The following TENM3 variants were observed in gnomAD, a reference collection of about 807,000 sequenced individuals.
TENM3 encodes the protein teneurin-3.
Under a neutral mutation model 255.1 loss-of-function variants are expected in TENM3, and 63 were observed. The observed-to-expected ratio is 0.25, with a 90% confidence interval of 0.20 to 0.30. TENM3 has a LOEUF of 0.30. Among genes scored for constraint, TENM3 ranks in the 10% least tolerant of loss-of-function variants. TENM3 has a pLI of 1.00. For synonymous variants in TENM3, 1,306 were observed against 1,322.3 expected (o/e 0.99, Z 0.27); for missense variants, 2,929 against 3,461.1 (o/e 0.85, Z 3.86).
chr4:181,818,540 G>A, the TENM3 span, among the ~76,000 whole-genome samples: 84 of 151,468 alleles, frequency 5.5e-4, no homozygotes, highest in Non-Finnish European at 1.0e-3. Context: ...TAAGTTCTGC[G>A]GTACATGTGC....
chr4:182,604,087 C>T (rs1194904471), intron 4 of TENM3, among the ~76,000 whole-genome samples: 1 of 152,064 alleles, frequency 6.6e-6, no homozygotes, highest in Non-Finnish European at 1.5e-5. Flanking sequence ...TTGATTTATT[C>T]AAAAGCATTC....
chr4:182,009,938 G>GC, the TENM3 span, among the ~76,000 whole-genome samples: 18 of 151,938 alleles, frequency 1.2e-4, no homozygotes, highest in Non-Finnish European at 1.8e-4. Flanking sequence ...CCCTTGGCTG[G>GC]GGGGAGGGGG....
the TENM3 span, among the ~76,000 whole-genome samples, chr4:181,887,340 A>G: frequency 2.0e-5 from 3 of 152,182 alleles, no homozygotes; most frequent in African/African-American, 7.2e-5. Context: ...AAGGCTGTTA[A>G]TGTAAGCTTA....
the TENM3 span, among the ~76,000 whole-genome samples, chr4:181,724,416 C>A: frequency 2.6e-5 from 4 of 152,006 alleles, no homozygotes; most frequent in Non-Finnish European, 5.9e-5. Context: ...TATCTTCCAA[C>A]TCAAATTATC....
intron 3 of TENM3, among the ~76,000 whole-genome samples, chr4:182,378,639 G>C (rs1411993932): frequency 1.3e-5 from 2 of 152,146 alleles, no homozygotes; most frequent in African/African-American, 4.8e-5. Flanking sequence ...CCTCGGAAGG[G>C]TCACCCAGCG....
intron 3 of TENM3, among the ~76,000 whole-genome samples, chr4:182,486,072 A>G (rs1024285470): frequency 6.6e-6 from 1 of 152,028 alleles, no homozygotes; most frequent in African/African-American, 2.4e-5. Context: ...GAGCCGGAAG[A>G]CAGTGTCAGG....
Position 182,434,953 on chromosome 4 carries a change from T to C in TENM3, c.511+88024T>C, listed in dbSNP as rs892583051. On this transcript the variant is annotated intron_variant, in intron 3 of 27. Coordinates refer to ENST00000511685, the MANE Select transcript of TENM3 (RefSeq NM_001080477.4). ...CAGCAGTGATCAACAGAACAATGAGTACAGGAAAGGCATGGAGCATTTCCA... is the reference window on the plus strand; with the variant it reads ...CAGCAGTGATCAACAGAACAATGAGCACAGGAAAGGCATGGAGCATTTCCA... 5.9e-5 allele frequency among the ~76,000 whole-genome samples: 9 copies of C among 152,174 alleles called. No homozygotes were observed. The East Asian group carries it at 1.7e-3, about 29-fold the overall frequency.
the TENM3 span, among the ~76,000 whole-genome samples, chr4:181,537,836 A>G: frequency 2.0e-5 from 3 of 152,308 alleles, no homozygotes; most frequent in South Asian, 4.1e-4. Flanking sequence ...CCAAGACAAA[A>G]TCCTGTCTTT....
At chr4:181,955,172 T>C in the TENM3 span, among the ~76,000 whole-genome samples, 1 of 152,258 alleles carries the variant, frequency 6.6e-6, no homozygotes, top group Non-Finnish European at 1.5e-5. Context: ...GTAGCTTTTT[T>C]TTATTCTAGG....
the TENM3 span, among the ~76,000 whole-genome samples, chr4:182,107,870 A>G: frequency 1.8e-4 from 28 of 152,188 alleles, no homozygotes; most frequent in Non-Finnish European, 3.2e-4. Context: ...CCCTTGGAAT[A>G]TTTAAATGGT....
chr4:182,520,540 T>C lies in TENM3; in HGVS notation c.512-80384T>C, dbSNP rs547891827. On this transcript the variant is annotated intron_variant, in intron 3 of 27. Coordinates refer to ENST00000511685, the MANE Select transcript of TENM3 (RefSeq NM_001080477.4). ...TACTGAAAGTATCTCGTTTCACATA[T>C]TAGCTTTTTCAAAAAGCAGATACAA... Among the ~76,000 whole-genome samples, 9 of 152,322 alleles carry C rather than the reference T, an allele frequency of 5.9e-5. No individual in the cohort carries two copies. The South Asian group carries it at 1.9e-3, about 32-fold the overall frequency.
At chr4:181,761,049 T>G in the TENM3 span, among the ~76,000 whole-genome samples, 1 of 151,276 alleles carries the variant, frequency 6.6e-6, no homozygotes, top group African/African-American at 2.4e-5. Flanking sequence ...GTTCTATAAA[T>G]TATCATTCAT....
At position 182,234,273 on chromosome 4, in the gene TENM3, G is replaced by A. The variant is rs531468771; in HGVS notation, c.-76+89519G>A. Among the ~76,000 whole-genome samples, 5 of 152,262 alleles carry A rather than the reference G, an allele frequency of 3.3e-5. No individual in the cohort carries two copies. The East Asian group carries it at 9.6e-4, about 29-fold the overall frequency. On this transcript the variant is annotated intron_variant, in intron 1 of 2. Transcript: ENST00000512480. ...AGAGCGAGTGGCCCCTGTGTTCTGA[G>A]GGAATAGTCGTACAGAGCACGGTTC...
chr4:181,737,666 G>C, the TENM3 span, among the ~76,000 whole-genome samples: 1 of 151,860 alleles, frequency 6.6e-6, no homozygotes, highest in Non-Finnish European at 1.5e-5. Context: ...ATAATTTAAG[G>C]ATTCCTTGGA....
At chr4:182,376,949 G>A (rs1188048243) in intron 3 of TENM3, among the ~76,000 whole-genome samples, 2 of 152,170 alleles carry the variant, frequency 1.3e-5, no homozygotes, top group African/African-American at 4.8e-5. Flanking sequence ...TGTTGGCACT[G>A]TGTAGTCAGA....
chr4:181,934,075 T>TGTGTGC, the TENM3 span, among the ~76,000 whole-genome samples: 4,283 of 148,024 alleles, frequency 0.029, 131 homozygotes, highest in African/African-American at 0.079. Flanking sequence ...TGTGTGTGTG[T>TGTGTGC]GCGCGCGCTT....
chr4:182,724,488 GC>G (rs1760009096), intron 13 of TENM3, among the ~76,000 whole-genome samples: 1 of 152,222 alleles, frequency 6.6e-6, no homozygotes, highest in Non-Finnish European at 1.5e-5. Flanking sequence ...GTGTGTCCCT[GC>G]ACCTTGGCTG....
the TENM3 span, among the ~76,000 whole-genome samples, chr4:181,651,489 G>A: frequency 6.6e-6 from 1 of 151,950 alleles, no homozygotes; most frequent in Non-Finnish European, 1.5e-5. Context: ...ATGGGAAGCT[G>A]AGGCAAGAGA....
intron 3 of TENM3, among the ~76,000 whole-genome samples, chr4:182,562,877 A>G (rs1743352777): frequency 6.6e-6 from 1 of 152,142 alleles, no homozygotes; most frequent in Non-Finnish European, 1.5e-5. Flanking sequence ...TGGAAAAGTG[A>G]ACTCTGAGTA....
Sources: gnomAD v4.1 joint callset for allele counts (sites outside exome capture counted in the v4.1 genomes callset) on GRCh38, gnomAD v4.1.1 for gene constraint, MANE v1.5 for transcripts, NCBI Gene and HGNC (gene_info 2026-07-23, HGNC 2026-07-21) for gene names.